PRKAR1A: variants seen among roughly 807,000 people sequenced by gnomAD.
The protein encoded by PRKAR1A is cAMP-dependent protein kinase type I-alpha regulatory subunit.
Under a neutral mutation model 52.0 loss-of-function variants are expected in PRKAR1A, and 3 were observed. The ratio of observed to expected loss-of-function variants is 0.06; its 90% CI spans 0.03 to 0.15. The LOEUF (loss-of-function observed/expected upper bound fraction) is 0.15, where lower values mean the gene tolerates loss of function less well. PRKAR1A is among the 10% of genes least tolerant of loss of function. The pLI, the probability that PRKAR1A is intolerant of heterozygous loss-of-function variation, is 1.00. For missense variants in PRKAR1A, 240 were observed against 477.4 expected (o/e 0.50, Z 4.63); for synonymous variants, 188 against 168.4 (o/e 1.12, Z -0.90).
the PRKAR1A span, among the ~76,000 whole-genome samples, chr17:68,460,189 CA>C: frequency 6.6e-6 from 1 of 152,124 alleles, no homozygotes; most frequent in Non-Finnish European, 1.5e-5. Context: ...CACCATATCT[CA>C]GTTCACATGA....
downstream of PRKAR1A, chr17:68,536,804 T>A: frequency 4.4e-6 from 2 of 454,134 alleles, no homozygotes; most frequent in Non-Finnish European, 8.8e-6. Flanking sequence ...TGATGTTATT[T>A]CAATTGTAAT....
At chr17:68,429,660 C>T in the PRKAR1A span, among the ~76,000 whole-genome samples, 1 of 152,096 alleles carries the variant, frequency 6.6e-6, no homozygotes, top group Non-Finnish European at 1.5e-5. Flanking sequence ...ATGATCTCGG[C>T]TCACTGCAAC....
chr17:68,540,707 C>T (rs2086247447), intron 11 of PRKAR1A: 1 of 1,059,250 alleles, frequency 9.4e-7, no homozygotes. Flanking sequence ...CCTCTGGGAC[C>T]TCCGCCACTT....
At chr17:68,546,975 G>A (rs1200765173) in intron 11 of PRKAR1A, among the ~76,000 whole-genome samples, 2 of 152,058 alleles carry the variant, frequency 1.3e-5, no homozygotes, top group African/African-American at 2.4e-5. Flanking sequence ...GTGACTAGGT[G>A]TATTACCAAT....
the PRKAR1A span, among the ~76,000 whole-genome samples, chr17:68,433,144 T>C: frequency 2.0e-5 from 3 of 152,250 alleles, no homozygotes; most frequent in Admixed American, 2.0e-4. Context: ...ACACTTTAGA[T>C]CTGCAGACTC....
intron 3 of PRKAR1A, among the ~76,000 whole-genome samples, chr17:68,523,340 G>A (rs1283406470): frequency 1.3e-5 from 2 of 152,198 alleles, no homozygotes; most frequent in African/African-American, 2.4e-5. Context: ...TAGCCTTAAA[G>A]GGGAACAGAA....
At chr17:68,435,747 G>A in the PRKAR1A span, 1 of 1,592,614 alleles carries the variant, frequency 6.3e-7, no homozygotes, top group Non-Finnish European at 8.6e-7. Context: ...TACAGATGCT[G>A]CGGAGGAGGG....
chr17:68,477,803 A>ACCT, the PRKAR1A span, among the ~76,000 whole-genome samples: 2 of 151,500 alleles, frequency 1.3e-5, no homozygotes, highest in African/African-American at 4.9e-5. Flanking sequence ...GCTCACTGCA[A>ACCT]CCTCCACCTC....
intron 6 of PRKAR1A, among the ~76,000 whole-genome samples, chr17:68,525,365 A>G (rs932421497): frequency 2.0e-5 from 3 of 152,180 alleles, no homozygotes; most frequent in African/African-American, 7.2e-5. Context: ...CTTATTCACA[A>G]ATGAAATGGG....
At chr17:68,533,495 CT>C (rs201900205), downstream of PRKAR1A, 39 of 897,910 alleles carry the variant, frequency 4.3e-5, no homozygotes, top group East Asian at 6.2e-5. Flanking sequence ...CAAGTAGACT[CT>C]TTTTTTTGTT....
At chr17:68,465,625 ATTT>A in the PRKAR1A span, among the ~76,000 whole-genome samples, 25 of 67,188 alleles carry the variant, frequency 3.7e-4, 1 homozygote, top group African/African-American at 1.1e-3. Flanking sequence ...ACGCCCAGCA[ATTT>A]TTTTTTTTTT....
the PRKAR1A span, chr17:68,448,285 AC>A: frequency 2.0e-5 from 3 of 152,164 alleles, no homozygotes; most frequent in Non-Finnish European, 4.4e-5. Context: ...AGAAAAGCAA[AC>A]CCCCAATACT....
the PRKAR1A span, chr17:68,421,852 T>C: frequency 6.2e-7 from 1 of 1,613,994 alleles, no homozygotes; most frequent in Non-Finnish European, 8.5e-7. Context: ...GGCCTTACTC[T>C]TCTCAGGAAG....
the PRKAR1A span, among the ~76,000 whole-genome samples, chr17:68,466,117 T>C: frequency 1.3e-5 from 2 of 152,202 alleles, no homozygotes; most frequent in African/African-American, 2.4e-5. Flanking sequence ...GCCTGTGTTA[T>C]CACTTACCCA....
At chr17:68,415,117 A>G in the PRKAR1A span, among the ~76,000 whole-genome samples, 1 of 152,044 alleles carries the variant, frequency 6.6e-6, no homozygotes, top group Admixed American at 6.6e-5. Flanking sequence ...TGACCTTAGA[A>G]TGTCAGTTTG....
chr17:68,546,191 AAAAAGC>A (rs2086554622), intron 11 of PRKAR1A, among the ~76,000 whole-genome samples: 2 of 117,072 alleles, frequency 1.7e-5, no homozygotes, highest in African/African-American at 5.7e-5. Flanking sequence ...AAAAAAAAAA[AAAAAGC>A]AGCAACTCTA....
At chr17:68,447,594 T>C in the PRKAR1A span, among the ~76,000 whole-genome samples, 1 of 152,128 alleles carries the variant, frequency 6.6e-6, no homozygotes, top group African/African-American at 2.4e-5. Flanking sequence ...TCTCGTTACA[T>C]TGCCCAAGCT....
the PRKAR1A span, among the ~76,000 whole-genome samples, chr17:68,491,384 G>T: frequency 1.3e-5 from 2 of 152,140 alleles, no homozygotes; most frequent in Non-Finnish European, 2.9e-5. Context: ...GAGCCACCGC[G>T]CCCAGCCAAA....
At chr17:68,506,404 C>T in the PRKAR1A span, among the ~76,000 whole-genome samples, 1 of 146,930 alleles carries the variant, frequency 6.8e-6, no homozygotes, top group African/African-American at 2.5e-5. Context: ...TTTCAATGTA[C>T]CCCCCCAATC....
Sources: gnomAD v4.1 joint callset for allele counts (sites outside exome capture counted in the v4.1 genomes callset) on GRCh38, gnomAD v4.1.1 for gene constraint, MANE v1.5 for transcripts, NCBI Gene and HGNC (gene_info 2026-07-23, HGNC 2026-07-21) for gene names.